The following MINK1 variants were observed in gnomAD, a reference collection of about 807,000 sequenced individuals.
MINK1 encodes misshapen like kinase 1.
In MINK1, 46 loss-of-function variants were observed where a neutral mutation model predicts 178.4. That is an observed-to-expected ratio of 0.26 (90% CI 0.20 to 0.33). The LOEUF is 0.33. Ranked by LOEUF, MINK1 falls within the 10% of genes least tolerant of loss-of-function variation. The pLI is 1.00. For missense variants in MINK1, 1,366 were observed against 1,814.9 expected (o/e 0.75, Z 4.49); for synonymous variants, 797 against 709.7 (o/e 1.12, Z -1.96).
At chr17:4,881,598 G>A (rs536521420) in intron 4 of MINK1, among the ~76,000 whole-genome samples, 14 of 152,294 alleles carry the variant, frequency 9.2e-5, no homozygotes, top group African/African-American at 2.2e-4. Context: ...TGGGGAGGCC[G>A]TCCATCCATT....
At chr17:4,839,553 G>C (rs1300815067) in intron 1 of MINK1, among the ~76,000 whole-genome samples, 1 of 152,156 alleles carries the variant, frequency 6.6e-6, no homozygotes, top group Non-Finnish European at 1.5e-5. Flanking sequence ...AGAAGACTTG[G>C]ATCCTGTCCA....
chr17:4,840,317 C>G (rs1910016584), intron 1 of MINK1, among the ~76,000 whole-genome samples: 1 of 151,956 alleles, frequency 6.6e-6, no homozygotes, highest in Non-Finnish European at 1.5e-5. Context: ...GGGCAAGAAG[C>G]CTGAGGATGG....
chr17:4,839,358 G>A (rs1041416394), intron 1 of MINK1, among the ~76,000 whole-genome samples: 5 of 152,156 alleles, frequency 3.3e-5, no homozygotes, highest in African/African-American at 1.2e-4. Context: ...TGGTCAGTGG[G>A]CAGTCATCTT....
intron 5 of MINK1, 116 bp from the exon 6 acceptor site, chr17:4,884,796 C>A: frequency 1.1e-6 from 1 of 891,342 alleles, no homozygotes; most frequent in Non-Finnish European, 1.8e-6. Context: ...AAGGTCTGCT[C>A]CTTCAGCCCA....
At chr17:4,852,577 C>T (rs888711534) in intron 1 of MINK1, among the ~76,000 whole-genome samples, 10 of 150,540 alleles carry the variant, frequency 6.6e-5, no homozygotes, top group African/African-American at 2.5e-5. Flanking sequence ...CTAGTTAGTG[C>T]AGTGTTCCTG....
At position 4,892,742 on chromosome 17, in the gene MINK1, G is replaced by A; in HGVS notation, c.2285G>A (p.Gly762Asp). 1 of 1,611,184 alleles carries A rather than the reference G, an allele frequency of 6.2e-7. No individual in the cohort carries two copies. The highest frequency in any genetic ancestry group is 8.5e-7 in the Non-Finnish European group (1 of 1,179,110). The change falls in exon 19 of 32, where the codon GGC becomes GAC. Residue 762 changes from glycine to aspartate, a missense_variant. By Grantham distance (94) the Gly-to-Asp change is moderately conservative. Around this residue, in one of 14 missense-constraint regions of MINK1, gnomAD observed 709 missense variants for 692.3 expected, o/e 1.02. Coordinates refer to ENST00000355280, the MANE Select transcript of MINK1 (RefSeq NM_153827.5). ...PASHGHLPQA[G>D]SLERNRVGVS... is the part of the protein sequence containing the mutation. ...TCTCACGGGCACCTCCCCCAGGCTG[G>A]CTCACTGGAGCGGAACCGCGTGGGA...
At chr17:4,881,705 C>T (rs999145661) in intron 4 of MINK1, among the ~76,000 whole-genome samples, 1 of 152,266 alleles carries the variant, frequency 6.6e-6, no homozygotes, top group Non-Finnish European at 1.5e-5. Context: ...CCAGATGCTA[C>T]AGAGCACCCA....
intron 4 of MINK1, among the ~76,000 whole-genome samples, chr17:4,882,603 T>C (rs910802250): frequency 6.6e-6 from 1 of 152,184 alleles, no homozygotes; most frequent in Admixed American, 6.5e-5. Context: ...ACTTCTTCTG[T>C]GAAGGGCCAG....
rs533660123 is a variant in MINK1 at position 4,894,387 on chromosome 17, G to C, written c.2808+76G>C. 3 of 1,558,114 alleles carry C rather than the reference G, an allele frequency of 1.9e-6. No individual in the cohort carries two copies. The highest frequency in any genetic ancestry group is 3.9e-5 in the Admixed American group (2 of 51,918). On this transcript the variant is annotated intron_variant, in intron 23 of 31. Transcript: ENST00000355280. The surrounding 1 kb of genome is among the most constrained non-coding windows in gnomAD (Gnocchi z 4.1). The stretch of plus-strand genomic sequence containing the variant: ...GCAGGAGGTCCCGGTGCTGGGTAAC[G>C]GCAGAGGATGGGGCGGAGCGCTGGG...
At chr17:4,850,524 C>CCCCCCCCCCT in intron 1 of MINK1, among the ~76,000 whole-genome samples, 2 of 150,490 alleles carry the variant, frequency 1.3e-5, no homozygotes. Flanking sequence ...TGCTGGCCCC[C>CCCCCCCCCCT]CCCGCCCTCT....
chr17:4,855,001 A>T (rs1912792465), intron 1 of MINK1, among the ~76,000 whole-genome samples: 1 of 151,782 alleles, frequency 6.6e-6, no homozygotes, highest in South Asian at 2.1e-4. Context: ...GAGGTCAGCA[A>T]TTCGAGACCA....
chr17:4,887,506 G>T lies in MINK1; in HGVS notation c.1020-74G>T. 1 of 1,353,360 alleles carries T rather than the reference G, an allele frequency of 7.4e-7. No individual in the cohort carries two copies. Among genetic ancestry groups the T allele is most frequent in the Non-Finnish European group, 9.9e-7 (1 of 1,011,050 alleles). The allele number at this position is 1,353,360 out of a possible 1,614,324, so 83.8% of individuals were successfully genotyped here. The stretch of plus-strand genomic sequence containing the variant: ...TGATCCAGTTAAAGCACCCACTCAG[G>T]CGGGCCCACGGGGTTGAGAGTGGGA... On this transcript the variant is annotated intron_variant, in intron 11 of 31. Coordinates refer to ENST00000355280, the MANE Select transcript of MINK1 (RefSeq NM_153827.5). The surrounding 1 kb of genome is among the most constrained non-coding windows in gnomAD (Gnocchi z 7.6).
rs1005016468 is a variant in MINK1 at position 4,887,855 on chromosome 17, G to A, written c.1230+65G>A. On this transcript the variant is annotated intron_variant, in intron 12 of 31. Coordinates refer to ENST00000355280, the MANE Select transcript of MINK1 (RefSeq NM_153827.5). This position sits in a 1 kb window ranked among gnomAD's most constrained non-coding sequence, Gnocchi z 7.6. Reference sequence around the variant, plus strand: ...CTCCTGACCTGCCCCGGGTCCATTAGGGCCTTGGAGAACAGGTTTTAAAAT... The same window carrying A: ...CTCCTGACCTGCCCCGGGTCCATTAAGGCCTTGGAGAACAGGTTTTAAAAT... 5.4e-6 allele frequency: 7 copies of A among 1,307,468 alleles called. No individual in the cohort carries two copies. The South Asian group carries it at 1.2e-4, about 22-fold the overall frequency. 81.0% of individuals were successfully genotyped at this position (1,307,468 alleles called of 1,614,324 possible).
At chr17:4,854,279 C>T (rs970250520) in intron 1 of MINK1, among the ~76,000 whole-genome samples, 1 of 152,166 alleles carries the variant, frequency 6.6e-6, no homozygotes, top group African/African-American at 2.4e-5. Context: ...CATCCAGCTC[C>T]CTCCAGGTGT....
Position 4,890,518 on chromosome 17 carries a change from A to G in MINK1, c.1349A>G (p.Glu450Gly). Residue 450 changes from glutamate (E) to glycine (G), a missense_variant and splice_region_variant, in exon 14 of 32, where the codon GAA (glutamate) becomes GGA (glycine). Physicochemically the swap from Glu to Gly is moderately conservative, Grantham distance 98 (BLOSUM62 -2). Around this residue, in one of 14 missense-constraint regions of MINK1, gnomAD observed 87 missense variants for 78.9 expected, o/e 1.10. Transcript: ENST00000355280. Reference protein sequence around the residue: ...EERRQAEREQEYKRKQLEEQR... With the variant: ...EERRQAEREQGYKRKQLEEQR... ...CTCTCTCCCTACCCTTGGGCCCAGG[A>G]ATACAAGCGGAAGCAGCTGGAGGAG... 1.9e-6 allele frequency: 3 copies of G among 1,587,258 alleles called. No homozygotes were observed. Among genetic ancestry groups the G allele is most frequent in the Non-Finnish European group, 2.6e-6 (3 of 1,167,490 alleles).
chr17:4,882,054 T>G (rs1286648521), intron 4 of MINK1, among the ~76,000 whole-genome samples: 4 of 152,242 alleles, frequency 2.6e-5, no homozygotes, highest in African/African-American at 9.6e-5. Context: ...TTTGGCTTTT[T>G]GGGAACACAC....
rs754454987 is a variant in MINK1, at chr17:4,892,498, G to A, written c.2184G>A (p.Pro728=). 120 of 1,559,806 alleles carry A rather than the reference G, an allele frequency of 7.7e-5. No homozygotes were observed. The highest frequency in any genetic ancestry group is 7.0e-4 in the Admixed American group (37 of 52,538). Residue 728 remains proline (P), a synonymous_variant, in exon 18 of 32, where the codon CCG becomes CCA. Coordinates refer to ENST00000355280, the MANE Select transcript of MINK1 (RefSeq NM_153827.5). The part of the protein sequence containing the change: ...PPGPPAQPPG[P]PNASSNPDLR... ...GGCCCCCTGCTCAGCCCCCTGGCCC[G>A]CCCAACGCCTCTAGGTAATAGAGTT...
At position 4,893,564 on chromosome 17, in the gene MINK1, C is replaced by T. The variant is rs891790941; in HGVS notation, c.2531C>T (p.Pro844Leu). The change falls in exon 21 of 32, where the codon CCA becomes CTA. Residue 844 changes from proline to leucine, a missense_variant. Physicochemically the swap from Pro to Leu is moderately conservative, Grantham distance 98. Transcript: ENST00000355280. ...EDDEEEGEGGPAEGSRDTPGG... is the reference protein window; with the variant it reads ...EDDEEEGEGGLAEGSRDTPGG... Reference sequence around the variant, plus strand: ...GACGAGGAGGAAGGCGAAGGCGGGCCAGCAGAGGGGAGCAGAGATACCCCT... The same window carrying T: ...GACGAGGAGGAAGGCGAAGGCGGGCTAGCAGAGGGGAGCAGAGATACCCCT... 6.3e-7 allele frequency: 1 copy of T among 1,579,010 alleles called. No individual in the cohort carries two copies. Among genetic ancestry groups the T allele is most frequent in the African/African-American group, 1.3e-5 (1 of 74,114 alleles).
rs1226738023 is a variant in MINK1, at chr17:4,867,112, A to G, written c.58-11205A>G. 3.0e-4 allele frequency among the ~76,000 whole-genome samples: 42 copies of G among 138,186 alleles called. No individual in the cohort carries two copies. The East Asian group carries it at 3.6e-3, about 12-fold the overall frequency. 90.7% of individuals were successfully genotyped at this position (138,186 alleles called of 152,430 possible). A position where few individuals can be genotyped will look rare whatever the true frequency, so the allele number is the denominator to read the frequency against. ...AATAATAATAATAATAATAAACTGC[A>G]CACTATAGTAGGTGCTCTTAGGACT... On this transcript the variant is annotated intron_variant, in intron 1 of 31. Coordinates refer to ENST00000355280, the MANE Select transcript of MINK1 (RefSeq NM_153827.5).
Sources: allele counts gnomAD v4.1 joint callset (sites outside exome capture counted in the v4.1 genomes callset), GRCh38; gene constraint gnomAD v4.1.1; regional missense constraint gnomAD v4.1.1; non-coding constraint Gnocchi (gnomAD v3.1); transcripts MANE v1.5; gene names NCBI Gene and HGNC (gene_info 2026-07-23, HGNC 2026-07-21).